Variants in CSMD1 observed in about 807,000 individuals in gnomAD.
CSMD1 encodes CUB and Sushi multiple domains 1.
CSMD1 carries 213 observed loss-of-function variants against 417.5 expected under a neutral mutation model. The ratio of observed to expected loss-of-function variants is 0.51; its 90% CI spans 0.46 to 0.57. The LOEUF (loss-of-function observed/expected upper bound fraction) is 0.57. CSMD1 is among the 20% of genes least tolerant of loss of function. The pLI is 0.00. For missense variants in CSMD1, 6,923 were observed against 4,529.7 expected (o/e 1.53, Z -15.17); for synonymous variants, 2,862 against 1,736.8 (o/e 1.65, Z -16.11).
At chr8:4,839,278 A>G (rs1283263771) in intron 1 of CSMD1, among the ~76,000 whole-genome samples, 3 of 152,192 alleles carry the variant, frequency 2.0e-5, no homozygotes, top group Non-Finnish European at 2.9e-5. Flanking sequence ...TCATTCATTC[A>G]TTCATCTATT....
At chr8:4,568,587 G>A (rs1383480540) in intron 2 of CSMD1, among the ~76,000 whole-genome samples, 3 of 152,104 alleles carry the variant, frequency 2.0e-5, no homozygotes, top group Admixed American at 6.5e-5. Context: ...ACATACGTGT[G>A]CATGCATCTT....
intron 11 of CSMD1, among the ~76,000 whole-genome samples, chr8:3,480,001 G>C (rs957897155): frequency 2.6e-5 from 4 of 152,220 alleles, no homozygotes; most frequent in South Asian, 4.2e-4. Context: ...AGCAATAATA[G>C]AATCAGTGAA....
intron 3 of CSMD1, among the ~76,000 whole-genome samples, chr8:4,317,409 C>G (rs1019275699): frequency 2.0e-5 from 3 of 152,148 alleles, no homozygotes; most frequent in Non-Finnish European, 4.4e-5. Context: ...CAAATGGTTA[C>G]AAAACCAGTT....
At position 4,193,731 on chromosome 8, in the gene CSMD1, G is replaced by A. The variant is rs191777736; in HGVS notation, c.416-161632C>T. Among the ~76,000 whole-genome samples, 237 of 152,252 alleles carry A rather than the reference G, an allele frequency of 1.6e-3. 1 individual carries two copies. Among genetic ancestry groups the A allele is most frequent in the Admixed American group, 4.6e-3 (71 of 15,302 alleles). ...AAGGCGCAGGAACCACGTCTCCACA[G>A]GAGAATGTTTAACAAGTGATTTTGG... On this transcript the variant is annotated intron_variant, in intron 3 of 69. Coordinates refer to ENST00000635120, the MANE Select transcript of CSMD1 (RefSeq NM_033225.6).
intron 3 of CSMD1, among the ~76,000 whole-genome samples, chr8:4,382,503 C>T (rs1200312944): frequency 6.6e-6 from 1 of 152,174 alleles, no homozygotes; most frequent in East Asian, 1.9e-4. Context: ...ACTCTCTGTT[C>T]ACCGCTCTTC....
intron 2 of CSMD1, among the ~76,000 whole-genome samples, chr8:4,631,885 A>C (rs1235439442): frequency 1.3e-5 from 2 of 152,182 alleles, no homozygotes; most frequent in Admixed American, 6.5e-5. Flanking sequence ...TACAATAATC[A>C]TGAATTAATA....
At chr8:4,720,853 G>T (rs1469654443) in intron 1 of CSMD1, among the ~76,000 whole-genome samples, 1 of 152,176 alleles carries the variant, frequency 6.6e-6, no homozygotes, top group Non-Finnish European at 1.5e-5. Context: ...TAGAAGCCAA[G>T]GGAAAACCAA....
chr8:4,126,351 G>T (rs892551953), intron 3 of CSMD1, among the ~76,000 whole-genome samples: 3 of 152,176 alleles, frequency 2.0e-5, no homozygotes, highest in Non-Finnish European at 4.4e-5. Flanking sequence ...CCACTGCATG[G>T]TTACGAGACC....
intron 5 of CSMD1, among the ~76,000 whole-genome samples, chr8:3,779,122 TA>T (rs376069129): frequency 4.6e-5 from 7 of 151,368 alleles, no homozygotes; most frequent in Middle Eastern, 3.4e-3. Flanking sequence ...TTCAGATAAA[TA>T]AAATATTTTC....
chr8:4,152,271 G>C (rs2131058925), intron 3 of CSMD1, among the ~76,000 whole-genome samples: 1 of 152,276 alleles, frequency 6.6e-6, no homozygotes, highest in South Asian at 2.1e-4. Context: ...TGGTAATATA[G>C]AAATACGATG....
chr8:3,707,152 G>C (rs1267002331), intron 7 of CSMD1, among the ~76,000 whole-genome samples: 1 of 152,158 alleles, frequency 6.6e-6, no homozygotes, highest in Non-Finnish European at 1.5e-5. Flanking sequence ...TGTCACACAA[G>C]CAATTGTCAG....
chr8:3,648,428 T>C (rs929972036), intron 7 of CSMD1, among the ~76,000 whole-genome samples: 18 of 152,290 alleles, frequency 1.2e-4, no homozygotes, highest in African/African-American at 3.6e-4. Context: ...GCAACTCAAA[T>C]TGAGATTTTA....
intron 11 of CSMD1, among the ~76,000 whole-genome samples, chr8:3,480,875 G>C (rs1190447151): frequency 2.0e-5 from 3 of 151,994 alleles, no homozygotes; most frequent in Non-Finnish European, 4.4e-5. Context: ...GTAGGTGGTA[G>C]GCTGGGGGCA....
chr8:2,961,030 G>T (rs1396069480), intron 62 of CSMD1, 111 bp downstream of exon 62: 2 of 486,784 alleles, frequency 4.1e-6, no homozygotes, highest in African/African-American at 2.0e-5. Flanking sequence ...TTTTATTCAG[G>T]TAAATATAAC....
intron 26 of CSMD1, among the ~76,000 whole-genome samples, chr8:3,256,686 C>G (rs1003179864): frequency 6.6e-6 from 1 of 152,194 alleles, no homozygotes; most frequent in African/African-American, 2.4e-5. Flanking sequence ...GATCCTGCAG[C>G]CACCCATATG....
intron 6 of CSMD1, among the ~76,000 whole-genome samples, chr8:3,744,627 G>A (rs1453666613): frequency 3.9e-5 from 6 of 152,324 alleles, no homozygotes; most frequent in African/African-American, 1.2e-4. Context: ...AGTGTACATT[G>A]TAATGCTTCA....
chr8:3,481,950 G>C (rs889373752), intron 11 of CSMD1, among the ~76,000 whole-genome samples: 2 of 152,270 alleles, frequency 1.3e-5, no homozygotes, highest in South Asian at 2.1e-4. Context: ...TATAGTAACA[G>C]TAGGAAATAA....
intron 5 of CSMD1, among the ~76,000 whole-genome samples, chr8:3,879,041 A>G (rs1021678725): frequency 6.6e-6 from 1 of 152,180 alleles, no homozygotes; most frequent in African/African-American, 2.4e-5. Context: ...TGAAGTTTGG[A>G]TAGTTCTCTA....
intron 2 of CSMD1, among the ~76,000 whole-genome samples, chr8:4,454,394 C>G (rs1446968974): frequency 6.6e-6 from 1 of 152,180 alleles, no homozygotes; most frequent in Non-Finnish European, 1.5e-5. Context: ...AAATTTGGCT[C>G]TGGTATACCT....
Sources: gnomAD v4.1 joint callset for allele counts (sites outside exome capture counted in the v4.1 genomes callset) on GRCh38, gnomAD v4.1.1 for gene constraint, MANE v1.5 for transcripts, NCBI Gene and HGNC (gene_info 2026-07-23, HGNC 2026-07-21) for gene names.